LRRIQ1: variants seen among roughly 807,000 people sequenced by gnomAD.
LRRIQ1 encodes leucine-rich repeat- and IQ domain-containing protein 1.
Under a neutral mutation model 211.9 loss-of-function variants are expected in LRRIQ1, and 210 were observed. That is an observed-to-expected ratio of 0.99 (90% CI 0.89 to 1.11). The LOEUF (loss-of-function observed/expected upper bound fraction) is 1.11, where lower values mean the gene tolerates loss of function less well. LRRIQ1 is among the 50% of genes most tolerant of loss of function. The pLI is 0.00. For missense variants in LRRIQ1, 2,136 were observed against 1,939.5 expected, an observed-to-expected ratio of 1.10 and a Z score of -1.90; for synonymous variants, 699 against 650.1, an observed-to-expected ratio of 1.08 and a Z score of -1.14.
Position 85,153,898 on chromosome 12 carries a change from A to C in LRRIQ1, c.4638-114A>C, listed in dbSNP as rs118039549. 13,893 of 932,374 alleles carry C rather than the reference A, an allele frequency of 0.015. 660 individuals carry two copies. In the East Asian group the frequency reaches 0.17, roughly 11 times the overall value. 57.8% of individuals were successfully genotyped at this position (932,374 alleles called of 1,614,324 possible). On this transcript the variant is annotated intron_variant, in intron 22 of 26. Transcript: ENST00000393217. ...ATCCAATTTAGTTTCTTAAATGGGA[A>C]TTCACATTTATTTTAGTATGCTATA... is the stretch of plus-strand genomic sequence containing the variant.
rs537564313 is a variant in LRRIQ1, at chr12:85,102,626, C to A, written c.3210-1378C>A. On this transcript the variant is annotated intron_variant, in intron 13 of 26. Transcript: ENST00000393217. The stretch of plus-strand genomic sequence containing the variant: ...AGTGAAGGTCAATACAAGGGTTAAT[C>A]TTCTGCCACACCCCATGAGGCTTCC... Among the ~76,000 whole-genome samples the A allele has an allele frequency of 4.0e-5, 6 of 151,584 alleles. No individual in the cohort carries two copies. In the East Asian group the frequency reaches 7.8e-4, roughly 20 times the overall value.
Position 85,056,413 on chromosome 12 carries a change from C to A in LRRIQ1, c.1620C>A (p.Ile540=), listed in dbSNP as rs1334014130. The A allele has an allele frequency of 1.3e-6, 2 of 1,587,154 alleles. No homozygotes were observed. Among genetic ancestry groups the A allele is most frequent in the Admixed American group, 3.8e-5 (2 of 52,712 alleles). Residue 540 remains isoleucine, a synonymous_variant, in exon 8 of 27, where the codon ATC becomes ATA. Coordinates refer to ENST00000393217, the MANE Select transcript of LRRIQ1 (RefSeq NM_001079910.2). ...LKSDAQKEEK[I]MKHVINENTG... is the part of the protein sequence containing the mutation. ...CTGATGCACAAAAAGAAGAAAAAATCATGAAACATGTCATAAATGAGAATA... is the reference window on the plus strand; with the variant it reads ...CTGATGCACAAAAAGAAGAAAAAATAATGAAACATGTCATAAATGAGAATA...
At chr12:85,172,040 T>A (rs1450219153) in intron 24 of LRRIQ1, among the ~76,000 whole-genome samples, 1 of 152,172 alleles carries the variant, frequency 6.6e-6, no homozygotes, top group Non-Finnish European at 1.5e-5. Context: ...CAAAACTTCT[T>A]ACATCAAAAA....
intron 11 of LRRIQ1, among the ~76,000 whole-genome samples, chr12:85,094,327 T>C (rs1885673727): frequency 6.6e-6 from 1 of 152,126 alleles, no homozygotes; most frequent in Admixed American, 6.6e-5. Context: ...GTATAATTAT[T>C]TTATTATATA....
Position 85,038,147 on chromosome 12 carries a change from A to T in LRRIQ1, c.-24-6A>T. ...GACATATTAGCCTCTTCATTTTTTAAAGCAGTTCTGTGCTTTATTATGAAG... is the reference window on the plus strand; with the variant it reads ...GACATATTAGCCTCTTCATTTTTTATAGCAGTTCTGTGCTTTATTATGAAG... On this transcript the variant is annotated splice_polypyrimidine_tract_variant and splice_region_variant and intron_variant, in intron 1 of 26. Coordinates refer to ENST00000393217, the MANE Select transcript of LRRIQ1 (RefSeq NM_001079910.2). 2 of 1,429,776 alleles carry T rather than the reference A, an allele frequency of 1.4e-6. No homozygotes were observed. Among genetic ancestry groups the T allele is most frequent in the Non-Finnish European group, 1.8e-6 (2 of 1,082,922 alleles). The allele number at this position is 1,429,776 out of a possible 1,614,324, so 88.6% of individuals were successfully genotyped here.
At chr12:85,230,455 T>C (rs1475407708) in intron 25 of LRRIQ1, among the ~76,000 whole-genome samples, 1 of 152,144 alleles carries the variant, frequency 6.6e-6, no homozygotes, top group African/African-American at 2.4e-5. Context: ...TCTCTTCCTA[T>C]AAGGACACCA....
At chr12:85,248,076 T>TTACTAC (rs1307859361), downstream of LRRIQ1, among the ~76,000 whole-genome samples, 1 of 151,696 alleles carries the variant, frequency 6.6e-6, no homozygotes, top group Non-Finnish European at 1.5e-5. Context: ...ATATTTGAAT[T>TTACTAC]TACTAAATGA....
chr12:85,230,486 A>C (rs1894880484), intron 25 of LRRIQ1, among the ~76,000 whole-genome samples: 1 of 152,110 alleles, frequency 6.6e-6, no homozygotes, highest in South Asian at 2.1e-4. Context: ...ATTAAGGCAC[A>C]CCTATATGAT....
At chr12:85,142,192 A>C (rs987151206) in intron 19 of LRRIQ1, among the ~76,000 whole-genome samples, 9 of 151,372 alleles carry the variant, frequency 5.9e-5, no homozygotes, top group African/African-American at 2.2e-4. Flanking sequence ...TTCTCTGAAG[A>C]TATTGGCTTC....
At chr12:85,064,004 A>T (rs1565800564) in intron 8 of LRRIQ1, among the ~76,000 whole-genome samples, 1 of 151,942 alleles carries the variant, frequency 6.6e-6, no homozygotes, top group East Asian at 1.9e-4. Flanking sequence ...AAATGAGGGT[A>T]CAGATAACTC....
intron 24 of LRRIQ1, among the ~76,000 whole-genome samples, chr12:85,179,879 T>C (rs1286070686): frequency 6.6e-6 from 1 of 151,974 alleles, no homozygotes; most frequent in East Asian, 1.9e-4. Context: ...CAACTGTTAA[T>C]CTTTTCAAGG....
chr12:85,082,586 A>G (rs1251898985), intron 11 of LRRIQ1, among the ~76,000 whole-genome samples: 3 of 151,908 alleles, frequency 2.0e-5, no homozygotes, highest in African/African-American at 4.8e-5. Context: ...CTATATCTCT[A>G]TCTCTCTTTG....
chr12:85,244,961 G>A lies in LRRIQ1; in HGVS notation c.*20G>A, dbSNP rs1895652538. The A allele has an allele frequency of 3.7e-6, 6 of 1,606,836 alleles. No individual in the cohort carries two copies. In the Admixed American group the frequency reaches 5.1e-5, roughly 14 times the overall value. On this transcript the variant is annotated 3_prime_UTR_variant, in exon 27 of 27. Coordinates refer to ENST00000393217, the MANE Select transcript of LRRIQ1 (RefSeq NM_001079910.2). ...ATTTAGAAATCACAAACGAATTGAT[G>A]GAACCTAATGCCAACAAGCATTCTT...
rs372792757 is a variant in LRRIQ1, at chr12:85,051,823, T to C, written c.679-354T>C. The stretch of plus-strand genomic sequence containing the variant: ...TTTATGTGAATTAAATGGTATGACA[T>C]GGTGAGAAAACAATTGTAACACAAA... On this transcript the variant is annotated intron_variant, in intron 6 of 26. Transcript: ENST00000393217. Among the ~76,000 whole-genome samples the C allele has an allele frequency of 1.5e-4, 23 of 152,280 alleles. No individual in the cohort carries two copies. The South Asian group carries it at 4.8e-3, about 32-fold the overall frequency.
Position 85,047,292 on chromosome 12 carries a change from G to A in LRRIQ1, c.500G>A (p.Cys167Tyr). Residue 167 changes from cysteine (C) to tyrosine (Y), a missense_variant, in exon 6 of 27, where the codon TGT (cysteine) becomes TAT (tyrosine). Physicochemically the swap from Cys to Tyr is radical, Grantham distance 194 (BLOSUM62 -2). Transcript: ENST00000393217. ...NFGYCEVEEK[C>Y]RQSFEAWQEK... The stretch of plus-strand genomic sequence containing the variant: ...GGATACTGTGAAGTGGAAGAAAAAT[G>A]TAGACAGTCTTTTGAGGCTTGGCAA... 1.2e-6 allele frequency: 2 copies of A among 1,605,860 alleles called. No homozygotes were observed. The highest frequency in any genetic ancestry group is 8.5e-7 in the Non-Finnish European group (1 of 1,177,754).
In LRRIQ1 at chr12:85,057,153, T is replaced by G; in HGVS notation, c.2360T>G (p.Leu787Arg). ...CCCGCTTTGGATAAACTGGAAATTC[T>G]TCGATGTGGCCCTTGGGATACTTTA... Reference protein sequence around the residue: ...MTPALDKLEILRCGPWDTLQQ... With the variant: ...MTPALDKLEIRRCGPWDTLQQ... The change falls in exon 8 of 27, where the codon CTT (leucine) becomes CGT (arginine). Residue 787 changes from leucine (L) to arginine (R), a missense_variant. Transcript: ENST00000393217. The G allele has an allele frequency of 6.4e-7, 1 of 1,560,882 alleles. No homozygotes were observed. Among genetic ancestry groups the G allele is most frequent in the Non-Finnish European group, 8.6e-7 (1 of 1,159,922 alleles).
chr12:85,268,791 CTG>C (rs1381607434), downstream of LRRIQ1, among the ~76,000 whole-genome samples: 1 of 151,866 alleles, frequency 6.6e-6, no homozygotes, highest in Non-Finnish European at 1.5e-5. Flanking sequence ...AGTGTTTAAA[CTG>C]TGCAATTATA....
In LRRIQ1 at chr12:85,153,750, A is replaced by C. The variant is rs1890380043; in HGVS notation, c.4629A>C (p.Ser1543=). ...AATCTGAAAAAGAAAAAAAAATTTC[A>C]GAAGAATGGTATGTAGTCAATTTGA... is the stretch of plus-strand genomic sequence containing the variant. ...LLKSEKEKKI[S]EEWGFKDIST... Residue 1543 remains serine, a synonymous_variant, in exon 22 of 27, where the codon TCA becomes TCC. Transcript: ENST00000393217. 1.3e-6 allele frequency: 2 copies of C among 1,551,032 alleles called. No homozygotes were observed. The highest frequency in any genetic ancestry group is 1.2e-5 in the South Asian group (1 of 83,394).
intron 11 of LRRIQ1, among the ~76,000 whole-genome samples, chr12:85,088,756 T>A: frequency 6.6e-6 from 1 of 152,208 alleles, no homozygotes; most frequent in East Asian, 1.9e-4. Context: ...GTTATTGGTG[T>A]AGAGGAATGC....
Sources: allele counts gnomAD v4.1 joint callset (sites outside exome capture counted in the v4.1 genomes callset), GRCh38; gene constraint gnomAD v4.1.1; transcripts MANE v1.5; gene names NCBI Gene and HGNC (gene_info 2026-07-23, HGNC 2026-07-21).